Variants in AZIN1 observed in about 807,000 individuals in gnomAD.
AZIN1 encodes the protein ornithine decarboxylase antizyme inhibitor.
AZIN1 carries 12 observed loss-of-function variants against 47.4 expected under a neutral mutation model. The observed-to-expected ratio is 0.25, with a 90% CI of 0.16 to 0.41. AZIN1 has a LOEUF of 0.41. Ranked by LOEUF, AZIN1 falls within the 10% of genes least tolerant of loss-of-function variation. The probability of loss-of-function intolerance (pLI) is 1.00; values close to 1 mark genes in which losing one functional copy is unlikely to be tolerated. For synonymous variants in AZIN1, 155 were observed against 176.3 expected (o/e 0.88, Z 0.96); for missense variants, 410 against 532.4 (o/e 0.77, Z 2.26).
chr8:102,861,563 A>C (rs1813654693), intron 1 of AZIN1, among the ~76,000 whole-genome samples: 1 of 152,064 alleles, frequency 6.6e-6, no homozygotes, highest in Non-Finnish European at 1.5e-5. Flanking sequence ...AGGGACAGTC[A>C]CCTAATGGGC....
chr8:102,843,341 A>G (rs542802202), intron 3 of AZIN1, among the ~76,000 whole-genome samples: 1 of 152,312 alleles, frequency 6.6e-6, no homozygotes, highest in Non-Finnish European at 1.5e-5. Flanking sequence ...TAGAAGGTAA[A>G]GGGCCATAGG....
intron 11 of AZIN1, 74 bp from the exon 12 acceptor site, chr8:102,828,752 T>G: frequency 1.1e-6 from 1 of 887,596 alleles, no homozygotes; most frequent in Non-Finnish European, 1.8e-6. Context: ...AAATGGATAA[T>G]AAAACAGGAT....
At chr8:102,835,104 G>A (rs1029294995) in intron 6 of AZIN1, 1 of 170,048 alleles carries the variant, frequency 5.9e-6, no homozygotes, top group African/African-American at 2.4e-5. Flanking sequence ...ACATTCAGTT[G>A]AGCATAAAAC....
rs980610068 is a variant in AZIN1 at position 102,826,806 on chromosome 8, T to C, written c.*1761A>G. ...AACATGTAAAGAAGGTAGGAAACAGTTCCCCCTCCTTGTTAAATGGTTAAA... is the reference window on the plus strand; with the variant it reads ...AACATGTAAAGAAGGTAGGAAACAGCTCCCCCTCCTTGTTAAATGGTTAAA... On this transcript the variant is annotated 3_prime_UTR_variant, in exon 12 of 12. Coordinates refer to ENST00000337198, the MANE Select transcript of AZIN1 (RefSeq NM_148174.4). 6.6e-6 allele frequency: 1 copy of C among 152,568 alleles called. No homozygotes were observed. Among genetic ancestry groups the C allele is most frequent in the African/African-American group, 2.4e-5 (1 of 41,438 alleles). 9.5% of individuals were successfully genotyped at this position (152,568 alleles called of 1,614,324 possible).
intron 2 of AZIN1, among the ~76,000 whole-genome samples, chr8:102,855,086 C>CT (rs1184378447): frequency 2.0e-5 from 3 of 151,998 alleles, no homozygotes; most frequent in Non-Finnish European, 4.4e-5. Context: ...CGGAGATTTG[C>CT]TGTTGTAGCC....
At chr8:102,834,505 G>A (rs1426151660) in intron 7 of AZIN1, among the ~76,000 whole-genome samples, 161 bp downstream of exon 7, 1 of 152,124 alleles carries the variant, frequency 6.6e-6, no homozygotes, top group Non-Finnish European at 1.5e-5. Context: ...CTGCTTAAAA[G>A]GTGTGACTGT....
chr8:102,828,881 A>G (rs1273999126), intron 11 of AZIN1, among the ~76,000 whole-genome samples: 1 of 152,236 alleles, frequency 6.6e-6, no homozygotes, highest in East Asian at 1.9e-4. Context: ...GTAAAATTAC[A>G]GTGAAGTTTA....
At chr8:102,837,085 A>T (rs1366475893) in intron 5 of AZIN1, among the ~76,000 whole-genome samples, 2 of 151,726 alleles carry the variant, frequency 1.3e-5, no homozygotes, top group Non-Finnish European at 2.9e-5. Flanking sequence ...CGCCCAGCTA[A>T]TTTTTTTTAT....
At chr8:102,851,895 C>A (rs964113188) in intron 2 of AZIN1, among the ~76,000 whole-genome samples, 2 of 152,122 alleles carry the variant, frequency 1.3e-5, no homozygotes, top group African/African-American at 2.4e-5. Context: ...CACTGGCTGG[C>A]AGTTTAAGTA....
At chr8:102,853,843 T>C (rs1813084358) in intron 2 of AZIN1, among the ~76,000 whole-genome samples, 1 of 132,760 alleles carries the variant, frequency 7.5e-6, no homozygotes, top group African/African-American at 2.8e-5. Context: ...AAGTACCAAA[T>C]ATCATCTGTG....
Position 102,829,199 on chromosome 8 carries a change from G to T in AZIN1, c.1235+73C>A, listed in dbSNP as rs1811281754. On this transcript the variant is annotated intron_variant, in intron 11 of 11. Transcript: ENST00000337198. ...ACTTCTAAGTTTAGCATTCATTACA[G>T]AATTAAAACTTATTAGCAAGTCTAA... 5.5e-6 allele frequency: 7 copies of T among 1,283,850 alleles called. No homozygotes were observed. In the South Asian group the frequency reaches 9.5e-5, roughly 17 times the overall value. The allele number at this position is 1,283,850 out of a possible 1,614,324, so 79.5% of individuals were successfully genotyped here.
At chr8:102,843,205 CAAAAAAAAA>C (rs10713233) in intron 3 of AZIN1, among the ~76,000 whole-genome samples, 12 of 97,246 alleles carry the variant, frequency 1.2e-4, no homozygotes, top group Admixed American at 1.2e-3. Context: ...GACTCGTCTC[CAAAAAAAAA>C]AAAAAAAAAG....
chr8:102,832,941 G>T, intron 9 of AZIN1, 115 bp downstream of exon 9: 1 of 962,368 alleles, frequency 1.0e-6, no homozygotes, highest in Non-Finnish European at 1.5e-6. Context: ...CGCCCGGCCA[G>T]TTTTAAGATT....
At chr8:102,847,714 C>G (rs970634744) in intron 2 of AZIN1, among the ~76,000 whole-genome samples, 5 of 152,114 alleles carry the variant, frequency 3.3e-5, no homozygotes, top group African/African-American at 1.2e-4. Flanking sequence ...GTCCCTGTAG[C>G]TGAGACTACA....
rs777369203 is a variant in AZIN1, at chr8:102,839,797, T to C, written c.129A>G (p.Gly43=). The C allele has an allele frequency of 6.3e-7, 1 of 1,598,396 alleles. No individual in the cohort carries two copies. Among genetic ancestry groups the C allele is most frequent in the Non-Finnish European group, 8.5e-7 (1 of 1,173,276 alleles). The change falls in exon 4 of 12, where the codon GGA becomes GGG. Residue 43 remains glycine, a synonymous_variant. Coordinates refer to ENST00000337198, the MANE Select transcript of AZIN1 (RefSeq NM_148174.4). The part of the protein sequence containing the change: ...TLTGKNAFFV[G]DLGKIVKKHS... ...GTTTCTTCACAATCTTTCCAAGATC[T>C]CCCACAAAAAATGCATTTTTCCCTG... is the stretch of plus-strand genomic sequence containing the variant.
At position 102,828,531 on chromosome 8, in the gene AZIN1, C is replaced by T; in HGVS notation, c.*36G>A. 7.2e-7 allele frequency: 1 copy of T among 1,392,892 alleles called. No individual in the cohort carries two copies. Among genetic ancestry groups the T allele is most frequent in the Non-Finnish European group, 1.0e-6 (1 of 994,738 alleles). 86.3% of individuals were successfully genotyped at this position (1,392,892 alleles called of 1,614,324 possible). A position where few individuals can be genotyped will look rare whatever the true frequency, so the allele number is the denominator to read the frequency against. ...GGAATGTTGACCAGACAAGCTTAAC[C>T]TGCAACTTCAGATCTAAAGAAGCGT... On this transcript the variant is annotated 3_prime_UTR_variant, in exon 12 of 12. Coordinates refer to ENST00000337198, the MANE Select transcript of AZIN1 (RefSeq NM_148174.4).
chr8:102,829,733 G>A (rs1276649813), intron 10 of AZIN1, 88 bp downstream of exon 10: 2 of 1,046,744 alleles, frequency 1.9e-6, no homozygotes, highest in South Asian at 1.4e-5. Flanking sequence ...ATTCTAAGAT[G>A]TTTTTCAAAA....
chr8:102,860,255 T>C (rs1359156668), intron 1 of AZIN1, among the ~76,000 whole-genome samples: 4 of 152,184 alleles, frequency 2.6e-5, no homozygotes, highest in Non-Finnish European at 5.9e-5. Flanking sequence ...AAGCATTTTA[T>C]GTAATTTATT....
chr8:102,846,652 T>C (rs1210485703), intron 2 of AZIN1, among the ~76,000 whole-genome samples: 1 of 152,204 alleles, frequency 6.6e-6, no homozygotes, highest in Non-Finnish European at 1.5e-5. Flanking sequence ...CCTTTTTTTT[T>C]TGGGAAATCC....
Sources: gnomAD v4.1 joint callset for allele counts (sites outside exome capture counted in the v4.1 genomes callset) on GRCh38, gnomAD v4.1.1 for gene constraint, MANE v1.5 for transcripts, NCBI Gene and HGNC (gene_info 2026-07-23, HGNC 2026-07-21) for gene names.